TMEM45A: variants seen among roughly 807,000 people sequenced by gnomAD.
The protein encoded by TMEM45A is DNA polymerase-transactivated protein 4.
In TMEM45A, 25 loss-of-function variants were observed where a neutral mutation model predicts 32.0. The ratio of observed to expected loss-of-function variants is 0.78; its 90% CI spans 0.57 to 1.09. TMEM45A has a LOEUF of 1.09. TMEM45A is among the 50% of genes least tolerant of loss of function. The pLI is 0.00. For synonymous variants in TMEM45A, 122 were observed against 114.8 expected (o/e 1.06, Z -0.40); for missense variants, 302 against 325.0 (o/e 0.93, Z 0.54).
intron 4 of TMEM45A, among the ~76,000 whole-genome samples, chr3:100,564,656 G>A (rs577382726): frequency 6.6e-6 from 1 of 152,068 alleles, no homozygotes; most frequent in East Asian, 1.9e-4. Context: ...CTAATTTTTT[G>A]TGTTCTTAGT....
At chr3:100,559,907 C>T (rs570106795) in intron 4 of TMEM45A, among the ~76,000 whole-genome samples, 138 of 152,012 alleles carry the variant, frequency 9.1e-4, no homozygotes, top group Non-Finnish European at 1.4e-3. Flanking sequence ...GCAAAACAAA[C>T]AAAAACAGGC....
chr3:100,575,845 C>G (rs1190849009), intron 5 of TMEM45A, among the ~76,000 whole-genome samples: 1 of 152,218 alleles, frequency 6.6e-6, no homozygotes, highest in Non-Finnish European at 1.5e-5. Context: ...CCAGACTTGA[C>G]GTGGGCCTTG....
intron 1 of TMEM45A, among the ~76,000 whole-genome samples, chr3:100,501,000 G>A (rs543676775): frequency 6.6e-6 from 1 of 152,034 alleles, no homozygotes; most frequent in South Asian, 2.1e-4. Flanking sequence ...TGTACTACTT[G>A]TAAAATTCCA....
chr3:100,564,735 T>A (rs571700205), intron 4 of TMEM45A, among the ~76,000 whole-genome samples: 7 of 152,270 alleles, frequency 4.6e-5, no homozygotes, highest in African/African-American at 1.7e-4. Context: ...CCACCTGCCT[T>A]GGCCTCCCAA....
In TMEM45A at chr3:100,519,386, CATGT is replaced by C. The variant is rs1404694466; in HGVS notation, c.-4+26459_-4+26462del. On this transcript the variant is annotated intron_variant, in intron 1 of 5. Transcript: ENST00000323523. ...CATACAGGTTGTGTGTGTGTGTGTG[CATGT>C]GTGTGTGTGTGTGTGTGTGTAAAAC... 2.0e-5 allele frequency: 10 copies of C among 502,106 alleles called. No individual in the cohort carries two copies. The Admixed American group carries it at 3.0e-4, about 15-fold the overall frequency. The allele number at this position is 502,106 out of a possible 1,614,324, so 31.1% of individuals were successfully genotyped here.
At chr3:100,540,704 C>G (rs974212933) in intron 1 of TMEM45A, among the ~76,000 whole-genome samples, 1 of 152,152 alleles carries the variant, frequency 6.6e-6, no homozygotes, top group Non-Finnish European at 1.5e-5. Flanking sequence ...AGTATTTATT[C>G]AAATGAATTG....
chr3:100,493,659 T>C (rs1314816262), intron 1 of TMEM45A, among the ~76,000 whole-genome samples: 1 of 152,044 alleles, frequency 6.6e-6, no homozygotes, highest in Non-Finnish European at 1.5e-5. Context: ...TACACTATGC[T>C]ATATGGTGTA....
At chr3:100,522,749 G>C (rs1296979324) in intron 1 of TMEM45A, among the ~76,000 whole-genome samples, 1 of 152,150 alleles carries the variant, frequency 6.6e-6, no homozygotes, top group Admixed American at 6.5e-5. Context: ...GTTCCCACTG[G>C]GGGCACACAG....
Position 100,527,885 on chromosome 3 carries a change from C to G in TMEM45A, c.-3-27324C>G, listed in dbSNP as rs542762783. Among the ~76,000 whole-genome samples, 368 of 152,236 alleles carry G rather than the reference C, an allele frequency of 2.4e-3. 2 individuals are homozygous for G. Among genetic ancestry groups the G allele is most frequent in the African/African-American group, 8.7e-3 (361 of 41,528 alleles). The stretch of plus-strand genomic sequence containing the variant: ...TTTGAAAATATCCAGAAGTCACAAC[C>G]AAGACAACTCAGGACACCAGATAAG... On this transcript the variant is annotated intron_variant, in intron 1 of 5. Coordinates refer to ENST00000323523, the MANE Select transcript of TMEM45A (RefSeq NM_018004.3).
intron 1 of TMEM45A, among the ~76,000 whole-genome samples, chr3:100,540,579 C>T (rs1705850637): frequency 6.6e-6 from 1 of 152,162 alleles, no homozygotes; most frequent in Non-Finnish European, 1.5e-5. Flanking sequence ...AACTCTCATT[C>T]ATTGCTAGTC....
chr3:100,520,072 GA>G (rs996078963), intron 1 of TMEM45A, among the ~76,000 whole-genome samples: 273 of 150,932 alleles, frequency 1.8e-3, no homozygotes, highest in African/African-American at 5.8e-3. Flanking sequence ...GAAGAAAATA[GA>G]AAAAAAAATC....
chr3:100,544,475 A>T (rs978163245), intron 1 of TMEM45A, among the ~76,000 whole-genome samples: 6 of 152,160 alleles, frequency 3.9e-5, no homozygotes, highest in Admixed American at 3.3e-4. Flanking sequence ...AATATATAGA[A>T]TATTTCCATC....
chr3:100,568,869 G>A lies in TMEM45A; in HGVS notation c.636G>A (p.Leu212=). The A allele has an allele frequency of 6.2e-7, 1 of 1,613,860 alleles. No homozygotes were observed. The highest frequency in any genetic ancestry group is 8.5e-7 in the Non-Finnish European group (1 of 1,179,812). ...CCAGTGGAGGTCCTGCATGGGATCT[G>A]ATGGATCATGAAAATATTTTGTTTC... ...YPPSGGPAWD[L]MDHENILFLT... Residue 212 remains leucine, a synonymous_variant, in exon 5 of 6, where the codon CTG becomes CTA. Transcript: ENST00000323523.
At chr3:100,573,718 G>A (rs1306815381) in intron 5 of TMEM45A, 4 of 152,146 alleles carry the variant, frequency 2.6e-5, no homozygotes, top group African/African-American at 9.7e-5. Flanking sequence ...TGCCCATTCA[G>A]TATGATATTG....
intron 1 of TMEM45A, among the ~76,000 whole-genome samples, chr3:100,511,129 A>G (rs1708153183): frequency 6.6e-6 from 1 of 152,062 alleles, no homozygotes. Context: ...AGAATGCCAC[A>G]AAGATACTCC....
At chr3:100,576,577 G>T (rs992597811) in intron 5 of TMEM45A, among the ~76,000 whole-genome samples, 2 of 151,902 alleles carry the variant, frequency 1.3e-5, no homozygotes, top group Admixed American at 6.6e-5. Flanking sequence ...CCAAGATTGC[G>T]CCACTGCACT....
In TMEM45A at chr3:100,577,024, A is replaced by T; in HGVS notation, c.*6A>T. On this transcript the variant is annotated 3_prime_UTR_variant, in exon 6 of 6. Transcript: ENST00000323523. ...AATCAGAAGAAGAAATGTGACTTTG[A>T]TGAGCTTCCAGTTTTTCTAGATAAA... The T allele has an allele frequency of 6.2e-7, 1 of 1,607,500 alleles. No individual in the cohort carries two copies. Among genetic ancestry groups the T allele is most frequent in the Non-Finnish European group, 8.5e-7 (1 of 1,176,664 alleles).
intron 5 of TMEM45A, among the ~76,000 whole-genome samples, chr3:100,569,547 T>G (rs1706516256): frequency 6.6e-6 from 1 of 152,238 alleles, no homozygotes; most frequent in Non-Finnish European, 1.5e-5. Flanking sequence ...GCACTATTTA[T>G]CAGCAGTATG....
intron 1 of TMEM45A, among the ~76,000 whole-genome samples, chr3:100,533,809 T>C (rs941799505): frequency 1.3e-5 from 2 of 152,146 alleles, no homozygotes; most frequent in Non-Finnish European, 2.9e-5. Flanking sequence ...CTTTATGAGG[T>C]AGTTTTATTG....
Sources: gnomAD v4.1 joint callset for allele counts (sites outside exome capture counted in the v4.1 genomes callset) on GRCh38, gnomAD v4.1.1 for gene constraint, MANE v1.5 for transcripts, NCBI Gene and HGNC (gene_info 2026-07-23, HGNC 2026-07-21) for gene names.